Variants in SLC36A1 observed in about 807,000 individuals in gnomAD.
SLC36A1 encodes the protein solute carrier family 36 member 1, also known as proton-coupled amino acid transporter 1.
In SLC36A1, 30 loss-of-function variants were observed where a neutral mutation model predicts 47.5. The ratio of observed to expected loss-of-function variants is 0.63; its 90% CI spans 0.47 to 0.86. SLC36A1 has a LOEUF of 0.86. Among genes scored for constraint, SLC36A1 ranks in the 40% least tolerant of loss-of-function variants. The probability of loss-of-function intolerance (pLI) is 0.00; values close to 1 mark genes in which losing one functional copy is unlikely to be tolerated. For synonymous variants in SLC36A1, 255 were observed against 249.7 expected (o/e 1.02, Z -0.20); for missense variants, 517 against 606.0 (o/e 0.85, Z 1.54).
At chr5:151,433,238 A>C (rs1261239614), upstream of SLC36A1, among the ~76,000 whole-genome samples, 1 of 7,588 alleles carries the variant, frequency 1.3e-4, no homozygotes, top group African/African-American at 5.5e-4. Flanking sequence ...ATATATATAT[A>C]TATATATATA....
At chr5:151,543,339 G>A in the SLC36A1 span, 2 of 1,614,178 alleles carry the variant, frequency 1.2e-6, no homozygotes, top group Non-Finnish European at 1.7e-6. Context: ...TACTGACATT[G>A]GATTGAATGG....
the SLC36A1 span, among the ~76,000 whole-genome samples, chr5:151,362,800 CTT>C: frequency 6.6e-6 from 1 of 152,172 alleles, no homozygotes; most frequent in East Asian, 1.9e-4. Flanking sequence ...ATCTCAATCT[CTT>C]TGTTAAATTT....
the SLC36A1 span, chr5:151,545,064 C>T: frequency 3.7e-6 from 6 of 1,614,186 alleles, no homozygotes; most frequent in Non-Finnish European, 5.1e-6. Flanking sequence ...CTCTTGTCTG[C>T]AACACACCTG....
the SLC36A1 span, among the ~76,000 whole-genome samples, chr5:151,410,231 C>G: frequency 1.4e-5 from 2 of 147,018 alleles, no homozygotes; most frequent in Non-Finnish European, 3.0e-5. Context: ...GCACAGTGGC[C>G]AGCTCAAGGA....
chr5:151,525,905 C>T, the SLC36A1 span: 6 of 1,614,224 alleles, frequency 3.7e-6, no homozygotes, highest in South Asian at 5.5e-5. Context: ...GGGCCATTCT[C>T]TGGAGAATCT....
the SLC36A1 span, among the ~76,000 whole-genome samples, chr5:151,535,854 A>G: frequency 7.2e-5 from 11 of 152,104 alleles, no homozygotes; most frequent in Non-Finnish European, 1.5e-4. Flanking sequence ...TGCTTGTTGT[A>G]TGGGGAAAAC....
intron 7 of SLC36A1, among the ~76,000 whole-genome samples, chr5:151,471,646 T>A (rs146701828): frequency 6.6e-6 from 1 of 152,360 alleles, no homozygotes; most frequent in East Asian, 1.9e-4. Context: ...GGTATTGAAA[T>A]GCTTCTTACA....
Position 151,488,058 on chromosome 5 carries a change from C to A in SLC36A1, c.1235C>A (p.Ala412Asp). ...GGCTCCGTGAGCAGCAGCGCCCTGGCCCTCATCATCCCACCGCTCCTGGAG... is the reference window on the plus strand; with the variant it reads ...GGCTCCGTGAGCAGCAGCGCCCTGGACCTCATCATCCCACCGCTCCTGGAG... ...LVGSVSSSAL[A>D]LIIPPLLEVT... The change falls in exon 11 of 11, where the codon GCC becomes GAC. Residue 412 changes from alanine to aspartate, a missense_variant. Coordinates refer to ENST00000243389, the MANE Select transcript of SLC36A1 (RefSeq NM_078483.4). 6.2e-7 allele frequency: 1 copy of A among 1,614,130 alleles called. No homozygotes were observed. Among genetic ancestry groups the A allele is most frequent in the Non-Finnish European group, 8.5e-7 (1 of 1,180,010 alleles).
the SLC36A1 span, among the ~76,000 whole-genome samples, chr5:151,417,154 G>A: frequency 2.0e-5 from 3 of 152,170 alleles, no homozygotes; most frequent in South Asian, 2.1e-4. Flanking sequence ...AATTGGTACC[G>A]AGGTAGTGGA....
chr5:151,470,599 C>T (rs944742734), intron 7 of SLC36A1, among the ~76,000 whole-genome samples: 1 of 152,208 alleles, frequency 6.6e-6, no homozygotes, highest in African/African-American at 2.4e-5. Flanking sequence ...GATGTAGTCA[C>T]TGCCCATAGT....
intron 7 of SLC36A1, among the ~76,000 whole-genome samples, chr5:151,472,192 A>T (rs920142983): frequency 1.3e-5 from 2 of 152,244 alleles, no homozygotes; most frequent in African/African-American, 4.8e-5. Context: ...AGGAGCAAGG[A>T]AGCCAGTCCA....
At chr5:151,399,077 TATA>T in the SLC36A1 span, among the ~76,000 whole-genome samples, 1 of 83,778 alleles carries the variant, frequency 1.2e-5, no homozygotes, top group Non-Finnish European at 2.1e-5. Flanking sequence ...TATATATATA[TATA>T]TATATTTTTT....
At chr5:151,486,584 T>C (rs1486033607) in intron 10 of SLC36A1, among the ~76,000 whole-genome samples, 1 of 152,270 alleles carries the variant, frequency 6.6e-6, no homozygotes, top group African/African-American at 2.4e-5. Flanking sequence ...TTGGCTGCCT[T>C]GGACTGAGAT....
At chr5:151,500,414 C>T in the SLC36A1 span, among the ~76,000 whole-genome samples, 1 of 152,192 alleles carries the variant, frequency 6.6e-6, no homozygotes, top group Non-Finnish European at 1.5e-5. Context: ...GTCACCCAGG[C>T]TGGAGTGCAG....
chr5:151,480,654 C>T (rs920971312), intron 10 of SLC36A1, among the ~76,000 whole-genome samples: 10 of 152,188 alleles, frequency 6.6e-5, no homozygotes, highest in African/African-American at 2.4e-4. Context: ...TTAATGTGTG[C>T]TGCTAAGATG....
At chr5:151,513,952 A>T in the SLC36A1 span, among the ~76,000 whole-genome samples, 1 of 152,210 alleles carries the variant, frequency 6.6e-6, no homozygotes, top group Admixed American at 6.5e-5. Context: ...GAAGTCAAAA[A>T]GTCTGAGAAC....
At chr5:151,391,455 A>T in the SLC36A1 span, among the ~76,000 whole-genome samples, 3 of 151,884 alleles carry the variant, frequency 2.0e-5, no homozygotes, top group Non-Finnish European at 2.9e-5. Context: ...AGGAGTGGTG[A>T]GAGAGAGTAT....
chr5:151,435,246 T>G (rs1318783), upstream of SLC36A1, among the ~76,000 whole-genome samples: 79,161 of 152,110 alleles, frequency 0.52, 23,105 homozygotes, highest in African/African-American at 0.81. Flanking sequence ...TTGCAGTCAG[T>G]CTGTCAGCTG....
At chr5:151,405,343 C>CTTTTTTT in the SLC36A1 span, among the ~76,000 whole-genome samples, 190 of 85,168 alleles carry the variant, frequency 2.2e-3, 1 homozygote, top group East Asian at 2.6e-3. Flanking sequence ...CTCTCTTTCT[C>CTTTTTTT]TTTTTTTTTT....
Sources: gnomAD v4.1 joint callset for allele counts (sites outside exome capture counted in the v4.1 genomes callset) on GRCh38, gnomAD v4.1.1 for gene constraint, MANE v1.5 for transcripts, NCBI Gene and HGNC (gene_info 2026-07-23, HGNC 2026-07-21) for gene names.